ZC3H3: variants seen among roughly 807,000 people sequenced by gnomAD.
ZC3H3 encodes zinc finger CCCH domain-containing protein 3.
A neutral mutation model predicts 77.3 loss-of-function variants in ZC3H3; 36 were observed. The ratio of observed to expected loss-of-function variants is 0.47; its 90% CI spans 0.36 to 0.61. The LOEUF (loss-of-function observed/expected upper bound fraction) is 0.61, where lower values mean the gene tolerates loss of function less well. Ranked by LOEUF, ZC3H3 falls within the 20% of genes least tolerant of loss-of-function variation. The pLI, the probability that ZC3H3 is intolerant of heterozygous loss-of-function variation, is 0.00. For synonymous variants in ZC3H3, 626 were observed against 555.2 expected (o/e 1.13, Z -1.79); for missense variants, 1,331 against 1,312.2 (o/e 1.01, Z -0.22).
chr8:143,501,651 C>T (rs7830193), intron 4 of ZC3H3, among the ~76,000 whole-genome samples: 2,659 of 152,160 alleles, frequency 0.017, 77 homozygotes, highest in African/African-American at 0.06. Flanking sequence ...TGCCTGGCCA[C>T]GGGGCGCTGG....
chr8:143,519,746 C>T (rs956272984), intron 3 of ZC3H3, among the ~76,000 whole-genome samples: 27 of 152,324 alleles, frequency 1.8e-4, no homozygotes, highest in African/African-American at 6.3e-4. Flanking sequence ...CTGGGGACAA[C>T]AGCCTGACCA....
intron 3 of ZC3H3, among the ~76,000 whole-genome samples, chr8:143,531,186 C>T (rs1822594031): frequency 6.6e-6 from 1 of 152,144 alleles, no homozygotes; most frequent in African/African-American, 2.4e-5. Context: ...TCTTGACCTC[C>T]TGGGTTCAAG....
chr8:143,506,410 C>T (rs1382023853), intron 4 of ZC3H3, among the ~76,000 whole-genome samples: 2 of 152,174 alleles, frequency 1.3e-5, no homozygotes, highest in Non-Finnish European at 2.9e-5. Flanking sequence ...TCGATCATGA[C>T]TCCCGATCAC....
chr8:143,447,707 G>C (rs549687465), intron 9 of ZC3H3, among the ~76,000 whole-genome samples: 4 of 152,336 alleles, frequency 2.6e-5, no homozygotes, highest in African/African-American at 9.6e-5. Context: ...TGAAGTGGGA[G>C]GGAGGCACTT....
At chr8:143,529,774 C>A (rs1803821829) in intron 3 of ZC3H3, among the ~76,000 whole-genome samples, 1 of 152,202 alleles carries the variant, frequency 6.6e-6, no homozygotes, top group African/African-American at 2.4e-5. Flanking sequence ...AAGCCACGAC[C>A]ACCTGGTGGC....
In ZC3H3 at chr8:143,440,374, G is replaced by A; in HGVS notation, c.2493-11C>T. 3 of 1,517,594 alleles carry A rather than the reference G, an allele frequency of 2.0e-6. No individual in the cohort carries two copies. The highest frequency in any genetic ancestry group is 2.6e-6 in the Non-Finnish European group (3 of 1,132,244). 94.0% of individuals were successfully genotyped at this position (1,517,594 alleles called of 1,614,324 possible). ...GATGCTGAAGGCTTCCTGCAGGGAA[G>A]GAAGGGGCAGACGTGTGAGGTGGGG... is the stretch of plus-strand genomic sequence containing the variant. On this transcript the variant is annotated splice_polypyrimidine_tract_variant and intron_variant, in intron 10 of 11. Transcript: ENST00000262577.
At chr8:143,503,312 A>C (rs1821583464) in intron 4 of ZC3H3, among the ~76,000 whole-genome samples, 1 of 151,470 alleles carries the variant, frequency 6.6e-6, no homozygotes, top group Non-Finnish European at 1.5e-5. Context: ...CCTCTGCCCC[A>C]CCCCAGTCTC....
chr8:143,452,738 C>A (rs1820020750), intron 9 of ZC3H3, among the ~76,000 whole-genome samples: 1 of 152,068 alleles, frequency 6.6e-6, no homozygotes, highest in Admixed American at 6.5e-5. Context: ...AGACAGAGAA[C>A]TGGAAGACAG....
intron 9 of ZC3H3, among the ~76,000 whole-genome samples, chr8:143,452,795 T>C (rs1181285639): frequency 6.6e-6 from 1 of 152,086 alleles, no homozygotes; most frequent in African/African-American, 2.4e-5. Flanking sequence ...AAATAAGGTT[T>C]AAAAAATGAA....
At chr8:143,476,994 C>T (rs770935179) in intron 4 of ZC3H3, among the ~76,000 whole-genome samples, 1 of 152,168 alleles carries the variant, frequency 6.6e-6, no homozygotes, top group Non-Finnish European at 1.5e-5. Flanking sequence ...TACAGGGGGA[C>T]AGCAGCATAT....
At chr8:143,438,215 G>A in intron 11 of ZC3H3, 128 bp from the exon 12 acceptor site, 1 of 1,214,366 alleles carries the variant, frequency 8.2e-7, no homozygotes, top group Non-Finnish European at 1.2e-6. Flanking sequence ...AAGGTCTGCA[G>A]AGATACCCTC....
At chr8:143,532,799 C>T (rs763075873) in intron 3 of ZC3H3, among the ~76,000 whole-genome samples, 33 of 152,216 alleles carry the variant, frequency 2.2e-4, no homozygotes, top group Non-Finnish European at 3.7e-4. Flanking sequence ...CACTCAACAG[C>T]TTCCTGGGCC....
chr8:143,484,947 T>A (rs1447751571), intron 4 of ZC3H3: 1 of 440,820 alleles, frequency 2.3e-6, no homozygotes, highest in Non-Finnish European at 4.5e-6. Context: ...GACAGTGGTA[T>A]CTGCAAAAAC....
rs1363246344 is a variant in ZC3H3 at position 143,494,307 on chromosome 8, C to A, written c.1715+13439G>T. Among the ~76,000 whole-genome samples, 1 of 152,240 alleles carries A rather than the reference C, an allele frequency of 6.6e-6. No individual in the cohort carries two copies. Among genetic ancestry groups the A allele is most frequent in the East Asian group, 1.9e-4 (1 of 5,198 alleles). On this transcript the variant is annotated intron_variant, in intron 4 of 11. Transcript: ENST00000262577. The surrounding 1 kb of genome is among the most constrained non-coding windows in gnomAD (Gnocchi z 5.3). ...CCAGTTTTCTCAAATGACAGAGTAT[C>A]TCAGAGAGCGTGAGTGAGCAGCTCA...
intron 1 of ZC3H3, among the ~76,000 whole-genome samples, chr8:143,540,324 C>G (rs1378121423): frequency 6.6e-6 from 1 of 152,046 alleles, no homozygotes; most frequent in African/African-American, 2.4e-5. Context: ...GCCGGGACCT[C>G]CAGGGCACAA....
Position 143,541,396 on chromosome 8 carries a change from C to G in ZC3H3, c.26G>C (p.Arg9Pro). Residue 9 changes from arginine to proline, a missense_variant, in exon 1 of 12, where the codon CGG becomes CCG. Physicochemically the swap from Arg to Pro is moderately radical, Grantham distance 103. This residue lies in a region of ZC3H3 where 978 missense variants were observed against 915.5 expected (regional missense o/e 1.07). Coordinates refer to ENST00000262577, the MANE Select transcript of ZC3H3 (RefSeq NM_015117.3). ...CCTACCCTGCAGTAGGCGGATCTGC[C>G]GCCGTAATATCTCCTTTTCCTCCAT... Reference protein sequence around the residue: MEEKEILRRQIRLLQGLID... With the variant: MEEKEILRPQIRLLQGLID... The G allele has an allele frequency of 6.2e-7, 1 of 1,611,964 alleles. No individual in the cohort carries two copies. Among genetic ancestry groups the G allele is most frequent in the Non-Finnish European group, 8.5e-7 (1 of 1,179,496 alleles).
chr8:143,509,309 A>G (rs1241997213), intron 3 of ZC3H3, among the ~76,000 whole-genome samples: 1 of 152,252 alleles, frequency 6.6e-6, no homozygotes, highest in Non-Finnish European at 1.5e-5. Context: ...GAACGTAAGA[A>G]GTCCTTAAGT....
chr8:143,522,198 T>G (rs2130468839), intron 3 of ZC3H3, among the ~76,000 whole-genome samples: 1 of 152,342 alleles, frequency 6.6e-6, no homozygotes, highest in South Asian at 2.1e-4. Flanking sequence ...AACGTCATGC[T>G]GCTCCTCACA....
intron 9 of ZC3H3, among the ~76,000 whole-genome samples, chr8:143,446,883 G>T (rs1043995081): frequency 6.6e-6 from 1 of 152,240 alleles, no homozygotes; most frequent in African/African-American, 2.4e-5. Context: ...CTAATTGGTC[G>T]TCTGCCTTTT....
Sources: allele counts gnomAD v4.1 joint callset (sites outside exome capture counted in the v4.1 genomes callset), GRCh38; gene constraint gnomAD v4.1.1; regional missense constraint gnomAD v4.1.1; non-coding constraint Gnocchi (gnomAD v3.1); transcripts MANE v1.5; gene names NCBI Gene and HGNC (gene_info 2026-07-23, HGNC 2026-07-21).